Variants in BICC1 observed in about 807,000 individuals in gnomAD.
BICC1 encodes BicC family RNA binding protein 1, also known as protein bicaudal C homolog 1.
In BICC1, 43 loss-of-function variants were observed where a neutral mutation model predicts 111.0. That is an observed-to-expected ratio of 0.39 (90% confidence interval 0.30 to 0.50). The LOEUF is 0.50. Among genes scored for constraint, BICC1 ranks in the 20% least tolerant of loss-of-function variants. The pLI is 0.88. For synonymous variants in BICC1, 467 were observed against 434.4 expected, an observed-to-expected ratio of 1.07 and a Z score of -0.93; for missense variants, 1,091 against 1,203.2, an observed-to-expected ratio of 0.91 and a Z score of 1.38.
Position 58,513,192 on chromosome 10 carries a change from G to C in BICC1, c.49G>C (p.Gly17Arg). ...CTACCTGGCGGCGCAGTCGGACCCC[G>C]GCTCCAACAGCGAGCGCAGCACCGA... The part of the protein sequence containing the change: ...PGYLAAQSDP[G>R]SNSERSTDSP... Residue 17 changes from glycine to arginine, a missense_variant, in exon 1 of 21, where the codon GGC (glycine) becomes CGC (arginine). By Grantham distance (125) the Gly-to-Arg change is moderately radical. Around this residue, in one of 3 missense-constraint regions of BICC1, gnomAD observed 843 missense variants for 900.8 expected, o/e 0.94. Coordinates refer to ENST00000373886, the MANE Select transcript of BICC1 (RefSeq NM_001080512.3). 3 of 1,593,920 alleles carry C rather than the reference G, an allele frequency of 1.9e-6. No homozygotes were observed. The highest frequency in any genetic ancestry group is 2.6e-6 in the Non-Finnish European group (3 of 1,171,864).
chr10:58,823,212 A>T (rs1844302815), intron 20 of BICC1: 1 of 984,806 alleles, frequency 1.0e-6, no homozygotes, highest in Admixed American at 6.2e-5. Flanking sequence ...ACATTTCCCG[A>T]CCTATTCTTT....
intron 1 of BICC1, among the ~76,000 whole-genome samples, chr10:58,593,211 G>A (rs115059994): frequency 0.01 from 1,579 of 152,218 alleles, 26 homozygotes; most frequent in African/African-American, 0.036. Context: ...TCTGGGCAGG[G>A]CATCTCTGAA....
chr10:58,572,963 G>C (rs7074234), intron 1 of BICC1, among the ~76,000 whole-genome samples: 18,343 of 152,110 alleles, frequency 0.12, 1,410 homozygotes, highest in African/African-American at 0.22. Context: ...CTGTCATATA[G>C]GTATTTTGTT....
At chr10:58,621,173 C>G (rs968650281) in intron 2 of BICC1, among the ~76,000 whole-genome samples, 1 of 152,172 alleles carries the variant, frequency 6.6e-6, no homozygotes, top group African/African-American at 2.4e-5. Flanking sequence ...TGGATCAATT[C>G]ATGTGGCATT....
intron 1 of BICC1, among the ~76,000 whole-genome samples, chr10:58,586,743 A>G (rs1386418449): frequency 6.6e-6 from 1 of 152,200 alleles, no homozygotes; most frequent in Non-Finnish European, 1.5e-5. Flanking sequence ...AAATGAATAT[A>G]TGTATACATA....
intron 3 of BICC1, among the ~76,000 whole-genome samples, chr10:58,744,335 G>A (rs1241983166): frequency 1.3e-5 from 2 of 151,720 alleles, no homozygotes; most frequent in African/African-American, 4.8e-5. Context: ...CAGTGTTTTG[G>A]CATATATCTT....
chr10:58,630,289 TG>T (rs1323395309), intron 2 of BICC1, among the ~76,000 whole-genome samples: 4 of 152,044 alleles, frequency 2.6e-5, no homozygotes, highest in Non-Finnish European at 1.5e-5. Flanking sequence ...AGGGAGAAGC[TG>T]TGAATAAGTG....
At chr10:58,520,845 T>A (rs185092136) in intron 1 of BICC1, among the ~76,000 whole-genome samples, 1 of 147,526 alleles carries the variant, frequency 6.8e-6, no homozygotes, top group Admixed American at 6.7e-5. Flanking sequence ...TTTAGGAATT[T>A]TTTTCCTGGT....
Position 58,716,355 on chromosome 10 carries a change from A to T in BICC1, c.307+14212A>T, listed in dbSNP as rs1184185753. On this transcript the variant is annotated intron_variant, in intron 3 of 20. Transcript: ENST00000373886. ...GTCTGAGGAAATTTCAACTGTGAAA[A>T]CTACAACATATTTACTAACATGCAT... is the stretch of plus-strand genomic sequence containing the variant. The T allele has an allele frequency of 3.1e-6, 4 of 1,304,594 alleles. No homozygotes were observed. The East Asian group carries it at 1.1e-4, about 37-fold the overall frequency. The allele number at this position is 1,304,594 out of a possible 1,614,324, so 80.8% of individuals were successfully genotyped here.
intron 3 of BICC1, chr10:58,716,339 A>C: frequency 7.2e-7 from 1 of 1,397,060 alleles, no homozygotes; most frequent in Non-Finnish European, 9.5e-7. Flanking sequence ...TGTCTGAGGA[A>C]ATTTCAACTG....
intron 3 of BICC1, among the ~76,000 whole-genome samples, chr10:58,726,403 A>G (rs578117234): frequency 6.6e-5 from 10 of 152,334 alleles, no homozygotes; most frequent in African/African-American, 2.2e-4. Context: ...ACAGGCTTAG[A>G]GAAGTTAAAG....
intron 1 of BICC1, among the ~76,000 whole-genome samples, chr10:58,578,707 C>T (rs1436408406): frequency 2.6e-5 from 4 of 152,194 alleles, no homozygotes; most frequent in South Asian, 2.1e-4. Context: ...GGCATAATTG[C>T]GAGAGAGGCA....
intron 1 of BICC1, among the ~76,000 whole-genome samples, chr10:58,519,618 T>C (rs1388457572): frequency 6.6e-6 from 1 of 152,082 alleles, no homozygotes; most frequent in Non-Finnish European, 1.5e-5. Flanking sequence ...TTTTTTAAAT[T>C]ATAATTTTTT....
At chr10:58,616,194 C>T (rs746655135) in intron 1 of BICC1, among the ~76,000 whole-genome samples, 4 of 152,128 alleles carry the variant, frequency 2.6e-5, no homozygotes, top group African/African-American at 7.2e-5. Context: ...ACTCTGATAC[C>T]GAGGAGGCTG....
intron 1 of BICC1, among the ~76,000 whole-genome samples, chr10:58,545,675 G>A (rs960330046): frequency 2.6e-5 from 4 of 152,112 alleles, no homozygotes; most frequent in East Asian, 1.9e-4. Flanking sequence ...ACGTGTAAGT[G>A]CCTTTTTATT....
chr10:58,764,371 T>G lies in BICC1; in HGVS notation c.308-20630T>G, dbSNP rs192660602. ...GATTTATATGACTGTGGAGAAAATC[T>G]TGTACTTGGAATGCTGTACCCTGTT... On this transcript the variant is annotated intron_variant, in intron 3 of 20. Transcript: ENST00000373886. Among the ~76,000 whole-genome samples, 47 of 152,328 alleles carry G rather than the reference T, an allele frequency of 3.1e-4. 1 individual carries two copies. The highest frequency in any genetic ancestry group is 1.1e-3 in the African/African-American group (47 of 41,574).
intron 1 of BICC1, among the ~76,000 whole-genome samples, chr10:58,577,620 G>C (rs1328060678): frequency 1.3e-5 from 2 of 152,274 alleles, no homozygotes; most frequent in East Asian, 3.9e-4. Flanking sequence ...ACTAATGCCA[G>C]ATGTTATTTA....
At chr10:58,806,716 C>T (rs1033825553) in intron 16 of BICC1, 93 bp downstream of exon 16, 1 of 1,161,276 alleles carries the variant, frequency 8.6e-7, no homozygotes, top group Non-Finnish European at 1.2e-6. Flanking sequence ...AACTTGAAAA[C>T]TCAGAAAAAG....
chr10:58,515,126 T>G (rs1842207458), intron 1 of BICC1, among the ~76,000 whole-genome samples: 1 of 152,214 alleles, frequency 6.6e-6, no homozygotes, highest in Non-Finnish European at 1.5e-5. Flanking sequence ...TGAGGAGACT[T>G]TTTGAAAATT....
Sources: gnomAD v4.1 joint callset for allele counts (sites outside exome capture counted in the v4.1 genomes callset) on GRCh38, gnomAD v4.1.1 for gene constraint, gnomAD v4.1.1 regional missense constraint, MANE v1.5 for transcripts, NCBI Gene and HGNC (gene_info 2026-07-23, HGNC 2026-07-21) for gene names.